Variants in LRRC56 observed in about 807,000 individuals in gnomAD.
LRRC56 encodes the protein leucine rich repeat containing 56.
Under a neutral mutation model 47.8 loss-of-function variants are expected in LRRC56, and 41 were observed. The observed-to-expected ratio is 0.86, with a 90% CI of 0.67 to 1.11. The LOEUF is 1.11. LRRC56 is among the 50% of genes most tolerant of loss of function. The pLI is 0.00. For missense variants in LRRC56, 759 were observed against 704.2 expected (o/e 1.08, Z -0.88); for synonymous variants, 387 against 311.2 (o/e 1.24, Z -2.56).
intron 12 of LRRC56, 126 bp from the exon 13 acceptor site, chr11:552,443 G>C: frequency 1.7e-6 from 2 of 1,165,068 alleles, no homozygotes; most frequent in Non-Finnish European, 2.4e-6. Flanking sequence ...CCTGTCCCGT[G>C]GGGGGATCAG....
chr11:513,211 A>G, the LRRC56 span, among the ~76,000 whole-genome samples: 1 of 152,366 alleles, frequency 6.6e-6, no homozygotes, highest in South Asian at 2.1e-4. Flanking sequence ...GCTGGAGCGC[A>G]GTGGCGCAAT....
chr11:521,953 C>T, the LRRC56 span, among the ~76,000 whole-genome samples: 72 of 151,678 alleles, frequency 4.7e-4, no homozygotes, highest in Non-Finnish European at 8.4e-4. Flanking sequence ...CAAAACAGCT[C>T]TCATAACCCA....
Position 541,443 on chromosome 11 carries a change from C to T in LRRC56, c.178-94C>T. 1 of 672,412 alleles carries T rather than the reference C, an allele frequency of 1.5e-6. No individual in the cohort carries two copies. The highest frequency in any genetic ancestry group is 2.4e-6 in the Non-Finnish European group (1 of 418,470). 41.7% of individuals were successfully genotyped at this position (672,412 alleles called of 1,614,324 possible). On this transcript the variant is annotated intron_variant, in intron 4 of 13. Coordinates refer to ENST00000270115, the MANE Select transcript of LRRC56 (RefSeq NM_198075.4). This position sits in a 1 kb window ranked among gnomAD's most constrained non-coding sequence, Gnocchi z 4.1. ...GGCAGGGAAACGTCGGTGCCTGCTCCAGCGGGAGCCCCAGAGTCCTGTAGC... is the reference window on the plus strand; with the variant it reads ...GGCAGGGAAACGTCGGTGCCTGCTCTAGCGGGAGCCCCAGAGTCCTGTAGC...
chr11:539,613 G>T lies in LRRC56; in HGVS notation c.-125G>T, dbSNP rs1851696683. On this transcript the variant is annotated 5_prime_UTR_variant, in exon 3 of 14. Coordinates refer to ENST00000270115, the MANE Select transcript of LRRC56 (RefSeq NM_198075.4). The stretch of plus-strand genomic sequence containing the variant: ...GGGTTTCACCGTGTTAGCCAGGATG[G>T]TCTCAATCTCCTGACCTCGTGATCT... 6.7e-6 allele frequency: 1 copy of T among 149,562 alleles called. No homozygotes were observed. The highest frequency in any genetic ancestry group is 2.5e-5 in the African/African-American group (1 of 40,286). The allele number at this position is 149,562 out of a possible 1,614,324, so 9.3% of individuals were successfully genotyped here. A position where few individuals can be genotyped will look rare whatever the true frequency, so the allele number is the denominator to read the frequency against.
At chr11:553,241 G>A (rs1048845537) in intron 13 of LRRC56, among the ~76,000 whole-genome samples, 1 of 152,234 alleles carries the variant, frequency 6.6e-6, no homozygotes, top group South Asian at 2.1e-4. Flanking sequence ...GATCACAGCT[G>A]CAAAGCAGAG....
At chr11:508,717 A>G in the LRRC56 span, among the ~76,000 whole-genome samples, 2 of 150,878 alleles carry the variant, frequency 1.3e-5, no homozygotes, top group Non-Finnish European at 2.9e-5. Context: ...CAGCGAGCCT[A>G]GACCACACCA....
chr11:554,387 TG>T lies in LRRC56; in HGVS notation c.*113del. On this transcript the variant is annotated 3_prime_UTR_variant, in exon 14 of 14. Transcript: ENST00000270115. ...TGTGTTGGGGGGTGGAAGGAGTGCC[TG>T]GCCCTGGGGAGGACCCTCTTGGTGG... The T allele has an allele frequency of 1.0e-6, 1 of 994,954 alleles. No individual in the cohort carries two copies. The highest frequency in any genetic ancestry group is 1.4e-6 in the Non-Finnish European group (1 of 735,722). 61.6% of individuals were successfully genotyped at this position (994,954 alleles called of 1,614,324 possible).
the LRRC56 span, chr11:507,264 C>T: frequency 1.3e-5 from 2 of 150,482 alleles, no homozygotes; most frequent in African/African-American, 4.9e-5. Flanking sequence ...TGGGCGTGGT[C>T]AGGTGCGTGG....
the LRRC56 span, among the ~76,000 whole-genome samples, chr11:524,404 G>A: frequency 6.6e-6 from 1 of 152,114 alleles, no homozygotes; most frequent in South Asian, 2.1e-4. Flanking sequence ...GGCTGAGGCG[G>A]GTGGTTCACC....
At chr11:532,688 G>A (rs1171786943), upstream of LRRC56, 2 of 1,613,182 alleles carry the variant, frequency 1.2e-6, no homozygotes, top group East Asian at 2.2e-5. Context: ...CTCATCAGGA[G>A]GGTTCAGCTT....
the LRRC56 span, chr11:532,443 CCTTG>C: frequency 1.3e-6 from 1 of 768,700 alleles, no homozygotes; most frequent in Non-Finnish European, 2.1e-6. Flanking sequence ...TTCCTTCCTT[CCTTG>C]CTTCCGTCCT....
At chr11:513,423 T>G in the LRRC56 span, among the ~76,000 whole-genome samples, 1 of 152,086 alleles carries the variant, frequency 6.6e-6, no homozygotes, top group Non-Finnish European at 1.5e-5. Context: ...TGTCCCGAGG[T>G]GCTGGGATTA....
At chr11:553,209 C>A (rs963551959) in intron 13 of LRRC56, among the ~76,000 whole-genome samples, 2 of 152,196 alleles carry the variant, frequency 1.3e-5, no homozygotes, top group African/African-American at 4.8e-5. Flanking sequence ...GTGCCCTTTA[C>A]GAAGGACACT....
the LRRC56 span, among the ~76,000 whole-genome samples, chr11:512,517 C>T: frequency 1.3e-5 from 2 of 152,124 alleles, no homozygotes; most frequent in Non-Finnish European, 2.9e-5. Context: ...TGACACTGAG[C>T]CACCGCGCCT....
At chr11:546,429 G>T (rs957386114) in intron 6 of LRRC56, among the ~76,000 whole-genome samples, 1 of 151,838 alleles carries the variant, frequency 6.6e-6, no homozygotes, top group East Asian at 1.9e-4. Context: ...TTAGCCGGGC[G>T]TGGTGGTGGG....
intron 6 of LRRC56, among the ~76,000 whole-genome samples, chr11:547,598 C>T (rs550213142): frequency 8.6e-5 from 13 of 151,134 alleles, no homozygotes; most frequent in East Asian, 6.0e-4. Flanking sequence ...ATGATCTGCC[C>T]GCCTCGGCCT....
Position 541,475 on chromosome 11 carries a change from C to G in LRRC56, c.178-62C>G. On this transcript the variant is annotated intron_variant, in intron 4 of 13. Transcript: ENST00000270115. This position sits in a 1 kb window ranked among gnomAD's most constrained non-coding sequence, Gnocchi z 4.1. ...AGCCCCAGAGTCCTGTAGCCAGAAG[C>G]AAGGATGGAACTAAAGTGGGGAGAG... is the stretch of plus-strand genomic sequence containing the variant. The G allele has an allele frequency of 1.0e-6, 1 of 986,868 alleles. No individual in the cohort carries two copies. Among genetic ancestry groups the G allele is most frequent in the Non-Finnish European group, 1.5e-6 (1 of 678,650 alleles). The allele number at this position is 986,868 out of a possible 1,614,324, so 61.1% of individuals were successfully genotyped here.
At chr11:542,580 C>CAAAAAA (rs71022928) in intron 5 of LRRC56, among the ~76,000 whole-genome samples, 6 of 26,000 alleles carry the variant, frequency 2.3e-4, no homozygotes, top group East Asian at 1.1e-3. Context: ...AACCCTGTCG[C>CAAAAAA]AAAAAAAAAA....
chr11:539,054 G>A (rs909502364), intron 2 of LRRC56, among the ~76,000 whole-genome samples, 194 bp downstream of exon 2: 16 of 152,200 alleles, frequency 1.1e-4, no homozygotes, highest in African/African-American at 3.9e-4. Context: ...CCAGGGCCTG[G>A]GGCCGAGGCA....
Sources: gnomAD v4.1 joint callset for allele counts (sites outside exome capture counted in the v4.1 genomes callset) on GRCh38, gnomAD v4.1.1 for gene constraint, Gnocchi (gnomAD v3.1) non-coding constraint, MANE v1.5 for transcripts, NCBI Gene and HGNC (gene_info 2026-07-23, HGNC 2026-07-21) for gene names.